DLGAP1: variants seen among roughly 807,000 people sequenced by gnomAD.
DLGAP1 encodes the protein disks large-associated protein 1.
DLGAP1 carries 11 observed loss-of-function variants against 90.8 expected under a neutral mutation model. That is an observed-to-expected ratio of 0.12 (90% CI 0.08 to 0.20). The LOEUF is 0.20. Ranked by LOEUF, DLGAP1 falls within the 10% of genes least tolerant of loss-of-function variation. The pLI is 1.00. For missense variants in DLGAP1, 1,050 were observed against 1,333.8 expected (o/e 0.79, Z 3.31); for synonymous variants, 558 against 540.7 (o/e 1.03, Z -0.44).
At chr18:3,510,419 G>A (rs16944952) in intron 10 of DLGAP1, among the ~76,000 whole-genome samples, 20,463 of 152,238 alleles carry the variant, frequency 0.13, 2,027 homozygotes, top group African/African-American at 0.27. Context: ...AGCCACACTT[G>A]CCCTGGCTAG....
Position 4,187,365 on chromosome 18 carries a change from A to G in DLGAP1, c.-266-36078T>C, listed in dbSNP as rs1383787106. Among the ~76,000 whole-genome samples the G allele has an allele frequency of 1.2e-4, 19 of 152,140 alleles. 1 individual carries two copies. Among genetic ancestry groups the G allele is most frequent in the Admixed American group, 1.2e-3 (18 of 15,258 alleles). ...AATGTTTCCAGCTTTTGCCCAGTGA[A>G]CGCTCCTTTAAACGTTCCAAGATAT... On this transcript the variant is annotated intron_variant, in intron 1 of 12. Transcript: ENST00000315677.
intron 1 of DLGAP1, among the ~76,000 whole-genome samples, chr18:4,276,604 C>G (rs988720179): frequency 6.6e-6 from 1 of 151,798 alleles, no homozygotes; most frequent in Non-Finnish European, 1.5e-5. Flanking sequence ...CCACTGCACT[C>G]CAGCCTGGAT....
At chr18:4,156,616 A>G (rs1467391947) in intron 1 of DLGAP1, among the ~76,000 whole-genome samples, 1 of 152,236 alleles carries the variant, frequency 6.6e-6, no homozygotes, top group Non-Finnish European at 1.5e-5. Flanking sequence ...TCAGTAAGTC[A>G]TAAAAGAGAA....
At chr18:4,130,367 TAGTA>T (rs1444869606) in intron 2 of DLGAP1, among the ~76,000 whole-genome samples, 1 of 152,178 alleles carries the variant, frequency 6.6e-6, no homozygotes, top group Non-Finnish European at 1.5e-5. Flanking sequence ...GATTATTTAA[TAGTA>T]AGTGATGGAT....
At chr18:3,732,212 A>C (rs1320831847) in intron 6 of DLGAP1, among the ~76,000 whole-genome samples, 3 of 152,176 alleles carry the variant, frequency 2.0e-5, no homozygotes, top group Admixed American at 6.5e-5. Flanking sequence ...GAAAATTGGA[A>C]TCCAGATTCA....
At chr18:3,620,687 A>G (rs2058065730) in intron 7 of DLGAP1, among the ~76,000 whole-genome samples, 1 of 151,938 alleles carries the variant, frequency 6.6e-6, no homozygotes, top group African/African-American at 2.4e-5. Context: ...CCTCCCGAGG[A>G]GCTGGGATTA....
chr18:3,930,921 C>T (rs1026164666), intron 3 of DLGAP1, among the ~76,000 whole-genome samples: 20 of 152,182 alleles, frequency 1.3e-4, no homozygotes, highest in African/African-American at 1.2e-4. Flanking sequence ...GCCATGGTTA[C>T]GCAAAAGCTG....
At chr18:4,270,570 G>A (rs984876602) in intron 1 of DLGAP1, among the ~76,000 whole-genome samples, 1 of 152,016 alleles carries the variant, frequency 6.6e-6, no homozygotes, top group African/African-American at 2.4e-5. Flanking sequence ...TTTAATGTTT[G>A]GAATATATTT....
intron 12 of DLGAP1, among the ~76,000 whole-genome samples, chr18:3,501,968 A>C (rs1342029682): frequency 6.8e-6 from 1 of 146,916 alleles, no homozygotes; most frequent in Non-Finnish European, 1.5e-5. Flanking sequence ...AAAAAAAAAA[A>C]ACCCAACATT....
intron 3 of DLGAP1, among the ~76,000 whole-genome samples, chr18:3,903,928 T>A (rs1253781123): frequency 6.6e-6 from 1 of 152,220 alleles, no homozygotes; most frequent in African/African-American, 2.4e-5. Flanking sequence ...AGAGACACTA[T>A]CCTGGGGCTG....
intron 3 of DLGAP1, among the ~76,000 whole-genome samples, chr18:3,942,837 T>C (rs866487229): frequency 6.6e-6 from 1 of 152,040 alleles, no homozygotes; most frequent in African/African-American, 2.4e-5. Context: ...TGAAGATGCA[T>C]TTTTTTTCTG....
chr18:4,382,431 TCTA>T (rs756475098), intron 1 of DLGAP1, among the ~76,000 whole-genome samples: 2 of 151,706 alleles, frequency 1.3e-5, no homozygotes, highest in South Asian at 2.1e-4. Flanking sequence ...CTAAGAAAAA[TCTA>T]CTAATTGATC....
intron 10 of DLGAP1, among the ~76,000 whole-genome samples, chr18:3,516,249 A>G (rs762345892): frequency 1.7e-4 from 25 of 151,454 alleles, no homozygotes; most frequent in Non-Finnish European, 4.4e-5. Context: ...TTATTTTTTC[A>G]AATTTTTTTG....
intron 4 of DLGAP1, among the ~76,000 whole-genome samples, chr18:3,836,814 A>G (rs1301900753): frequency 6.6e-6 from 1 of 152,176 alleles, no homozygotes; most frequent in Non-Finnish European, 1.5e-5. Flanking sequence ...CTTTTCTTAG[A>G]TTCTGCCAAT....
chr18:4,291,855 A>T (rs1386249558), intron 1 of DLGAP1, among the ~76,000 whole-genome samples: 1 of 152,182 alleles, frequency 6.6e-6, no homozygotes, highest in East Asian at 1.9e-4. Context: ...AAGGAAGAGC[A>T]CTAGAAAAGA....
At chr18:3,888,107 C>CAAAAAAAAAAAAAAAAAAAAAAAA (rs1164887393) in intron 3 of DLGAP1, among the ~76,000 whole-genome samples, 2 of 49,382 alleles carry the variant, frequency 4.1e-5, no homozygotes, top group African/African-American at 1.5e-4. Context: ...GACTCCATCT[C>CAAAAAAAAAAAAAAAAAAAAAAAA]AAAAAAAAAA....
intron 3 of DLGAP1, among the ~76,000 whole-genome samples, chr18:3,961,217 T>C (rs17652165): frequency 0.38 from 57,150 of 151,954 alleles, 11,019 homozygotes; most frequent in East Asian, 0.47. Context: ...GCCTCTCTCC[T>C]GCGGTATGAG....
At chr18:4,024,427 G>T (rs751613403) in intron 2 of DLGAP1, among the ~76,000 whole-genome samples, 1 of 152,304 alleles carries the variant, frequency 6.6e-6, no homozygotes, top group Admixed American at 6.5e-5. Context: ...GATCAAGGGA[G>T]TGCTACCCCC....
At chr18:4,317,752 C>T (rs547648442) in intron 1 of DLGAP1, among the ~76,000 whole-genome samples, 23 of 152,260 alleles carry the variant, frequency 1.5e-4, no homozygotes, top group African/African-American at 5.1e-4. Context: ...GAACTTGATC[C>T]CCAGGATGAT....
Sources: allele counts gnomAD v4.1 joint callset (sites outside exome capture counted in the v4.1 genomes callset), GRCh38; gene constraint gnomAD v4.1.1; transcripts MANE v1.5; gene names NCBI Gene and HGNC (gene_info 2026-07-23, HGNC 2026-07-21).